Variants in PLCH1 observed in about 807,000 individuals in gnomAD.
PLCH1 encodes 1-phosphatidylinositol 4,5-bisphosphate phosphodiesterase eta-1.
Under a neutral mutation model 126.7 loss-of-function variants are expected in PLCH1, and 60 were observed. That is an observed-to-expected ratio of 0.47 (90% CI 0.38 to 0.59). PLCH1 has a LOEUF of 0.59. Among genes scored for constraint, PLCH1 ranks in the 20% least tolerant of loss-of-function variants. The pLI, the probability that PLCH1 is intolerant of heterozygous loss-of-function variation, is 0.00. For synonymous variants in PLCH1, 719 were observed against 734.9 expected (o/e 0.98, Z 0.35); for missense variants, 1,723 against 2,040.0 (o/e 0.84, Z 2.99).
At chr3:155,727,174 G>A (rs1191039783) in intron 1 of PLCH1, among the ~76,000 whole-genome samples, 1 of 151,832 alleles carries the variant, frequency 6.6e-6, no homozygotes, top group Non-Finnish European at 1.5e-5. Flanking sequence ...AAAATAAAAT[G>A]AGCTTGGTTA....
chr3:155,570,357 G>A (rs1382180953), intron 6 of PLCH1, among the ~76,000 whole-genome samples: 2 of 152,150 alleles, frequency 1.3e-5, no homozygotes, highest in Non-Finnish European at 2.9e-5. Flanking sequence ...CTGATAGAGA[G>A]AAATAGGAAT....
intron 7 of PLCH1, among the ~76,000 whole-genome samples, chr3:155,565,477 T>C (rs188320478): frequency 6.6e-6 from 1 of 151,924 alleles, no homozygotes; most frequent in East Asian, 1.9e-4. Flanking sequence ...TCCACTCCAC[T>C]CTCTCTCCTG....
chr3:155,578,162 G>A (rs572693614), intron 6 of PLCH1, among the ~76,000 whole-genome samples: 38 of 152,146 alleles, frequency 2.5e-4, no homozygotes, highest in Non-Finnish European at 3.2e-4. Flanking sequence ...CTCCACAGAG[G>A]AGTAAAGATG....
chr3:155,726,068 G>T (rs1748295781), intron 1 of PLCH1, among the ~76,000 whole-genome samples: 1 of 152,068 alleles, frequency 6.6e-6, no homozygotes, highest in Admixed American at 6.6e-5. Flanking sequence ...AACTATACAA[G>T]AATTTTAGAG....
At chr3:155,594,674 C>T (rs748920378) in intron 3 of PLCH1, among the ~76,000 whole-genome samples, 1 of 152,126 alleles carries the variant, frequency 6.6e-6, no homozygotes, top group African/African-American at 2.4e-5. Flanking sequence ...CACTAGAAAC[C>T]TTCTCTGCAT....
At chr3:155,726,161 G>A (rs1748303005) in intron 1 of PLCH1, among the ~76,000 whole-genome samples, 1 of 152,074 alleles carries the variant, frequency 6.6e-6, no homozygotes, top group African/African-American at 2.4e-5. Context: ...GTCAATACGT[G>A]TTTTAACTTA....
At chr3:155,492,287 G>A (rs1455088231) in intron 18 of PLCH1, among the ~76,000 whole-genome samples, 3 of 152,184 alleles carry the variant, frequency 2.0e-5, no homozygotes, top group Non-Finnish European at 2.9e-5. Flanking sequence ...AAAATCACGC[G>A]ACACAGGTAC....
Position 155,492,816 on chromosome 3 carries a change from G to A in PLCH1, c.2220C>T (p.Ala740=), listed in dbSNP as rs184731122. 6.2e-6 allele frequency: 10 copies of A among 1,604,176 alleles called. No homozygotes were observed. In the East Asian group the frequency reaches 2.0e-4, roughly 33 times the overall value. The part of the protein sequence containing the change: ...FNPFSGDPLP[A]NPKKQLILKV... ...TCAGGATGAGCTGCTTTTTGGGGTT[G>A]GCAGGAAGAGGGTCACCAGAGAAAG... The change falls in exon 18 of 23, where the codon GCC becomes GCT. Residue 740 remains alanine, a synonymous_variant. Transcript: ENST00000460012.
chr3:155,710,205 G>T (rs1270997456), intron 1 of PLCH1, among the ~76,000 whole-genome samples: 2 of 152,082 alleles, frequency 1.3e-5, no homozygotes, highest in Non-Finnish European at 2.9e-5. Context: ...GACCAGGCTG[G>T]TCTCAAACTC....
At chr3:155,479,877 C>T (rs1053230569), downstream of PLCH1, 7 of 150,460 alleles carry the variant, frequency 4.7e-5, no homozygotes, top group South Asian at 2.1e-4. Flanking sequence ...AAAAGTTCAC[C>T]AAGTGTTTAA....
intron 19 of PLCH1, among the ~76,000 whole-genome samples, chr3:155,490,421 C>T (rs527973893): frequency 2.0e-4 from 31 of 152,150 alleles, no homozygotes; most frequent in Admixed American, 5.9e-4. Flanking sequence ...GACACATAGG[C>T]TTCACAAATG....
intron 2 of PLCH1, among the ~76,000 whole-genome samples, chr3:155,675,399 A>G (rs963603236): frequency 6.6e-5 from 10 of 152,174 alleles, no homozygotes; most frequent in African/African-American, 2.4e-4. Flanking sequence ...CTCATACTTT[A>G]AGATGTTTTT....
At chr3:155,587,797 C>T (rs1343039841) in intron 4 of PLCH1, among the ~76,000 whole-genome samples, 2 of 152,222 alleles carry the variant, frequency 1.3e-5, no homozygotes, top group East Asian at 3.9e-4. Flanking sequence ...TGAAAATTCC[C>T]AGTTAACTTT....
intron 8 of PLCH1, among the ~76,000 whole-genome samples, chr3:155,554,980 C>T (rs1385931564): frequency 2.0e-5 from 3 of 152,164 alleles, no homozygotes; most frequent in Admixed American, 6.5e-5. Context: ...GGTTTTTCAC[C>T]ATGCCCCTCT....
chr3:155,620,061 G>A lies in PLCH1; in HGVS notation c.80-23683C>T, dbSNP rs1424188332. Among the ~76,000 whole-genome samples the A allele has an allele frequency of 1.3e-5, 2 of 152,114 alleles. 1 individual carries two copies. Among genetic ancestry groups the A allele is most frequent in the Non-Finnish European group, 2.9e-5 (2 of 68,024 alleles). On this transcript the variant is annotated intron_variant, in intron 2 of 22. Coordinates refer to ENST00000460012, the MANE Select transcript of PLCH1 (RefSeq NM_014996.4). The stretch of plus-strand genomic sequence containing the variant: ...CAGCCTATTTATGGCATTTTGATTG[G>A]AGTTGTTATCCCAAATCAGTGTACT...
chr3:155,506,489 T>C lies in PLCH1; in HGVS notation c.1633-1863A>G, dbSNP rs1718753280. Among the ~76,000 whole-genome samples, 4 of 146,856 alleles carry C rather than the reference T, an allele frequency of 2.7e-5. No individual in the cohort carries two copies. In the South Asian group the frequency reaches 9.2e-4, roughly 34 times the overall value. The stretch of plus-strand genomic sequence containing the variant: ...CTAGCATTAAGTATATCTCCCAATG[T>C]TATCCCTCCCCCCTCCCCCCACCCC... On this transcript the variant is annotated intron_variant, in intron 12 of 22. Coordinates refer to ENST00000460012, the MANE Select transcript of PLCH1 (RefSeq NM_014996.4).
At chr3:155,689,845 G>A (rs1227467344) in intron 2 of PLCH1, among the ~76,000 whole-genome samples, 1 of 152,060 alleles carries the variant, frequency 6.6e-6, no homozygotes, top group Non-Finnish European at 1.5e-5. Flanking sequence ...TAGAGAGACA[G>A]AAGTAGAAAG....
At chr3:155,589,510 G>C (rs1231426749) in intron 4 of PLCH1, among the ~76,000 whole-genome samples, 2 of 152,050 alleles carry the variant, frequency 1.3e-5, no homozygotes, top group Non-Finnish European at 2.9e-5. Flanking sequence ...TGGATTGGGA[G>C]TGGGCCAGAT....
intron 2 of PLCH1, among the ~76,000 whole-genome samples, chr3:155,691,086 C>T (rs1048246076): frequency 2.0e-5 from 3 of 152,148 alleles, no homozygotes; most frequent in African/African-American, 7.2e-5. Context: ...CCCACCCCCT[C>T]AGCAGCTTTA....
Sources: gnomAD v4.1 joint callset for allele counts (sites outside exome capture counted in the v4.1 genomes callset) on GRCh38, gnomAD v4.1.1 for gene constraint, MANE v1.5 for transcripts, NCBI Gene and HGNC (gene_info 2026-07-23, HGNC 2026-07-21) for gene names.